Variants in NRXN1 observed in about 807,000 individuals in gnomAD.
NRXN1 encodes neurexin 1.
NRXN1 carries 39 observed loss-of-function variants against 150.9 expected under a neutral mutation model. That is an observed-to-expected ratio of 0.26 (90% CI 0.20 to 0.34). The LOEUF is 0.34. NRXN1 is among the 10% of genes least tolerant of loss of function. The probability of loss-of-function intolerance (pLI) is 1.00; values close to 1 mark genes in which losing one functional copy is unlikely to be tolerated. For synonymous variants in NRXN1, 924 were observed against 757.0 expected (o/e 1.22, Z -3.62); for missense variants, 1,815 against 1,949.9 (o/e 0.93, Z 1.30).
At chr2:50,357,302 A>ATTTATTTATT (rs59536239) in intron 17 of NRXN1, among the ~76,000 whole-genome samples, 1 of 142,838 alleles carries the variant, frequency 7.0e-6, no homozygotes, top group African/African-American at 2.8e-5. Flanking sequence ...TTATTTATTT[A>ATTTATTTATT]TTTTTTTTTT....
rs147339729 is a variant in NRXN1 at position 50,286,647 on chromosome 2, G to C, written c.3365-49677C>G. Among the ~76,000 whole-genome samples the C allele has an allele frequency of 1.4e-4, 22 of 152,122 alleles. No individual in the cohort carries two copies. The East Asian group carries it at 4.2e-3, about 29-fold the overall frequency. On this transcript the variant is annotated intron_variant, in intron 17 of 22. Transcript: ENST00000401669. ...GTAGAATGATAAACCAAAACAAACA[G>C]CCAATTCATCAAATCAACAAAACTA...
intron 5 of NRXN1, among the ~76,000 whole-genome samples, chr2:50,839,496 G>A (rs572334747): frequency 6.6e-6 from 1 of 152,174 alleles, no homozygotes; most frequent in East Asian, 1.9e-4. Flanking sequence ...TCTCCTTTCT[G>A]ATGTTACTTG....
chr2:51,017,503 CTTTTTTTTTTTT>C (rs70958638), intron 2 of NRXN1, among the ~76,000 whole-genome samples: 6 of 44,318 alleles, frequency 1.4e-4, no homozygotes, highest in South Asian at 9.9e-4. Context: ...CCACATCTGG[CTTTTTTTTTTTT>C]TTTTTTTTTT....
chr2:50,420,192 T>A (rs544502613), intron 17 of NRXN1, among the ~76,000 whole-genome samples: 32 of 152,036 alleles, frequency 2.1e-4, no homozygotes, highest in Middle Eastern at 3.4e-3. Flanking sequence ...AAGTAAAACA[T>A]ACAAAGGCAA....
In NRXN1 at chr2:50,329,652, TATATATATATATATATATATA is replaced by T. The variant is rs1368149422; in HGVS notation, c.3365-92703_3365-92683del. Among the ~76,000 whole-genome samples the T allele has an allele frequency of 3.5e-3, 66 of 18,712 alleles. 2 individuals are homozygous for T. Among genetic ancestry groups the T allele is most frequent in the East Asian group, 0.026 (6 of 234 alleles). 12.3% of individuals were successfully genotyped at this position (18,712 alleles called of 152,430 possible). ...ATATATATATATATATATATATATA[TATATATATATATATATATATA>T]TTTTTTTTTTTCCCCCCCGAGACGG... is the stretch of plus-strand genomic sequence containing the variant. On this transcript the variant is annotated intron_variant, in intron 17 of 22. Transcript: ENST00000401669.
chr2:50,179,384 T>C (rs2060555829), intron 18 of NRXN1, among the ~76,000 whole-genome samples: 1 of 152,152 alleles, frequency 6.6e-6, no homozygotes, highest in Non-Finnish European at 1.5e-5. Flanking sequence ...TACTTTTAAT[T>C]ACCTGTTTTT....
At chr2:50,651,725 T>G (rs1200439139) in intron 5 of NRXN1, among the ~76,000 whole-genome samples, 1 of 151,994 alleles carries the variant, frequency 6.6e-6, no homozygotes, top group Admixed American at 6.6e-5. Flanking sequence ...TTCCTCTCCT[T>G]ACACCATCCC....
chr2:50,697,543 T>C (rs1693099082), intron 5 of NRXN1, among the ~76,000 whole-genome samples: 2 of 152,210 alleles, frequency 1.3e-5, no homozygotes, highest in African/African-American at 4.8e-5. Context: ...AATGACTGCC[T>C]GTTACTTCCT....
intron 8 of NRXN1, among the ~76,000 whole-genome samples, chr2:50,576,868 C>T (rs1558961588): frequency 6.6e-6 from 1 of 152,032 alleles, no homozygotes; most frequent in African/African-American, 2.4e-5. Context: ...TTCTCTTCCC[C>T]CAACCTCCTC....
rs78393171 is a variant in NRXN1 at position 50,474,371 on chromosome 2, T to C, written c.3071-1900A>G. ...TAAAGCTTTCCTACTCCTCTTTCAG[T>C]CAAGCAGGAGATAAAGTTGGAAGAA... On this transcript the variant is annotated intron_variant, in intron 15 of 22. Coordinates refer to ENST00000401669, the MANE Select transcript of NRXN1 (RefSeq NM_001330078.2). Among the ~76,000 whole-genome samples, 854 of 151,766 alleles carry C rather than the reference T, an allele frequency of 5.6e-3. 6 individuals carry two copies. Among genetic ancestry groups the C allele is most frequent in the African/African-American group, 0.019 (795 of 41,410 alleles).
At position 50,410,079 on chromosome 2, in the gene NRXN1, T is replaced by C. The variant is rs527927941; in HGVS notation, c.3364+55363A>G. 5.3e-5 allele frequency among the ~76,000 whole-genome samples: 8 copies of C among 152,270 alleles called. No individual in the cohort carries two copies. The East Asian group carries it at 1.4e-3, about 26-fold the overall frequency. ...CTTCCCATCAGTGCCTGATCTGACA[T>C]GCCCCTTCTTTCTATCCCTCCTGCT... is the stretch of plus-strand genomic sequence containing the variant. On this transcript the variant is annotated intron_variant, in intron 17 of 22. Coordinates refer to ENST00000401669, the MANE Select transcript of NRXN1 (RefSeq NM_001330078.2).
At chr2:50,006,195 A>G (rs150928360) in intron 21 of NRXN1, among the ~76,000 whole-genome samples, 1 of 152,192 alleles carries the variant, frequency 6.6e-6, no homozygotes, top group East Asian at 1.9e-4. Flanking sequence ...TGTTTCGGCA[A>G]TGTTCCTCTT....
chr2:50,915,593 C>T (rs75137119), intron 5 of NRXN1, among the ~76,000 whole-genome samples: 5 of 151,404 alleles, frequency 3.3e-5, no homozygotes, highest in Non-Finnish European at 5.9e-5. Context: ...CTCTGTAGTA[C>T]GGATCATCAG....
chr2:50,926,931 A>G (rs1376729385), intron 2 of NRXN1, among the ~76,000 whole-genome samples: 1 of 151,912 alleles, frequency 6.6e-6, no homozygotes, highest in African/African-American at 2.4e-5. Flanking sequence ...CCTAGTGGAA[A>G]ATTCAAGTTC....
At chr2:50,829,746 C>A in intron 5 of NRXN1, 2 of 1,576,854 alleles carry the variant, frequency 1.3e-6, no homozygotes, top group Non-Finnish European at 1.7e-6. Flanking sequence ...CAAGGTTGCA[C>A]GGCATGGCCC....
At chr2:50,140,210 T>C (rs562199452) in intron 18 of NRXN1, among the ~76,000 whole-genome samples, 24 of 152,312 alleles carry the variant, frequency 1.6e-4, no homozygotes, top group Admixed American at 7.2e-4. Context: ...ATTGAAATGA[T>C]TTATATCAGT....
chr2:50,930,490 T>C (rs1458489420), intron 2 of NRXN1, among the ~76,000 whole-genome samples: 1 of 152,144 alleles, frequency 6.6e-6, no homozygotes, highest in Non-Finnish European at 1.5e-5. Flanking sequence ...TTAATAACTG[T>C]TAGTCAACAT....
intron 17 of NRXN1, among the ~76,000 whole-genome samples, chr2:50,422,821 C>T (rs1572912028): frequency 6.6e-6 from 1 of 152,136 alleles, no homozygotes; most frequent in Non-Finnish European, 1.5e-5. Flanking sequence ...ATATACAAGG[C>T]AGTTACGTGG....
At chr2:50,519,723 T>C (rs2092732599) in intron 12 of NRXN1, among the ~76,000 whole-genome samples, 1 of 152,094 alleles carries the variant, frequency 6.6e-6, no homozygotes, top group East Asian at 1.9e-4. Context: ...TTCTCATGTG[T>C]GGCTATTCAA....
Sources: gnomAD v4.1 joint callset for allele counts (sites outside exome capture counted in the v4.1 genomes callset) on GRCh38, gnomAD v4.1.1 for gene constraint, MANE v1.5 for transcripts, NCBI Gene and HGNC (gene_info 2026-07-23, HGNC 2026-07-21) for gene names.